The following HEY1 variants were observed in gnomAD, a reference collection of about 807,000 sequenced individuals.
The protein encoded by HEY1 is hes related family bHLH transcription factor with YRPW motif 1, also known as hairy/enhancer-of-split related with YRPW motif protein 1.
A neutral mutation model predicts 28.7 loss-of-function variants in HEY1; 9 were observed. That is an observed-to-expected ratio of 0.31 (90% CI 0.19 to 0.55). The LOEUF (loss-of-function observed/expected upper bound fraction) is 0.55. HEY1 is among the 20% of genes least tolerant of loss of function. HEY1 has a pLI of 0.93. For missense variants in HEY1, 385 were observed against 399.4 expected (o/e 0.96, Z 0.31); for synonymous variants, 213 against 175.6 (o/e 1.21, Z -1.68).
chr8:79,767,027 G>A lies in HEY1; in HGVS notation c.231C>T (p.Pro77=), dbSNP rs140932864. ...CCATTACCTGCTTCTCAAAAGCACT[G>A]GGTACCAGCCTTCTCAGCTCAGACA... ...NSLSELRRLV[P]SAFEKQGSAK... The change falls in exon 3 of 5, where the codon CCC becomes CCT. Residue 77 remains proline, a synonymous_variant. Transcript: ENST00000354724. 6.2e-7 allele frequency: 1 copy of A among 1,613,970 alleles called. No homozygotes were observed. The highest frequency in any genetic ancestry group is 1.1e-5 in the South Asian group (1 of 91,074).
chr8:79,766,394 T>G (rs1807838442), intron 4 of HEY1: 2 of 1,454,544 alleles, frequency 1.4e-6, no homozygotes, highest in Admixed American at 5.5e-5. Flanking sequence ...TGTCACAACT[T>G]TTGAAGACCT....
At chr8:79,766,133 T>A (rs1037814541) in intron 4 of HEY1, 42 of 1,134,810 alleles carry the variant, frequency 3.7e-5, no homozygotes, top group Middle Eastern at 2.0e-4. Context: ...ATGTAAGTTA[T>A]CATCGCGGAG....
intron 4 of HEY1, 97 bp downstream of exon 4, chr8:79,766,554 A>G: frequency 6.4e-7 from 1 of 1,570,364 alleles, no homozygotes; most frequent in Non-Finnish European, 8.6e-7. Flanking sequence ...CCCACCCCCA[A>G]AGAAAAATCA....
chr8:79,767,582 C>A lies in HEY1; in HGVS notation c.82G>T (p.Glu28Ter). ...TIEVEKESAD[E>*]NGNLSSALGS... The stretch of plus-strand genomic sequence containing the variant: ...CCGCCGCCGCCAGCTCACCCATTCT[C>A]GTCCGCACTCTCCTTCTCCACCTCG... The change falls in exon 1 of 5, where the codon GAG becomes TAG. Residue 28 changes from glutamate (E) to a stop codon, truncating the protein, a stop_gained. Transcript: ENST00000354724. LOFTEE classifies it high-confidence loss of function. 6.2e-7 allele frequency: 1 copy of A among 1,608,078 alleles called. No individual in the cohort carries two copies. Among genetic ancestry groups the A allele is most frequent in the Non-Finnish European group, 8.5e-7 (1 of 1,177,990 alleles).
chr8:79,766,128 A>C, intron 4 of HEY1: 11 of 1,094,096 alleles, frequency 1.0e-5, no homozygotes, highest in Non-Finnish European at 1.4e-5. Flanking sequence ...CACAGATGTA[A>C]GTTATCATCG....
Position 79,765,126 on chromosome 8 carries a change from T to C in HEY1, c.*62A>G. 2.5e-6 allele frequency: 3 copies of C among 1,192,018 alleles called. No individual in the cohort carries two copies. Among genetic ancestry groups the C allele is most frequent in the Non-Finnish European group, 2.3e-6 (2 of 867,870 alleles). The allele number at this position is 1,192,018 out of a possible 1,614,324, so 73.8% of individuals were successfully genotyped here. On this transcript the variant is annotated 3_prime_UTR_variant, in exon 5 of 5. Transcript: ENST00000354724. The stretch of plus-strand genomic sequence containing the variant: ...TTTACTGACGACTTTAAGGTGATGT[T>C]GGCAACAGTCCAGCCCAGCTGGGAT...
In HEY1 at chr8:79,767,150, G is replaced by C. The variant is rs72684748; in HGVS notation, c.166-58C>G. On this transcript the variant is annotated intron_variant, in intron 2 of 4. Transcript: ENST00000354724. ...TACCATTACGACTGTAAATTTCAAA[G>C]ACAAAAAAAAAGGTGGTTATTTCCG... The C allele has an allele frequency of 2.7e-3, 4,176 of 1,569,314 alleles. 8 individuals are homozygous for C. The highest frequency in any genetic ancestry group is 3.1e-3 in the Non-Finnish European group (3,557 of 1,152,926).
intron 1 of HEY1, 29 bp downstream of exon 1, chr8:79,767,546 T>C (rs1188766083): frequency 9.5e-6 from 15 of 1,579,920 alleles, no homozygotes; most frequent in Non-Finnish European, 1.3e-5. Flanking sequence ...CCGCTCTGGC[T>C]CGGCTCCGCT....
At chr8:79,766,255 A>G in intron 4 of HEY1, 8 of 1,531,118 alleles carry the variant, frequency 5.2e-6, no homozygotes, top group Non-Finnish European at 7.0e-6. Context: ...TTCTTTCCTC[A>G]AGAGGCATGT....
chr8:79,767,269 T>C lies in HEY1; in HGVS notation c.115A>G (p.Met39Val), dbSNP rs766557451. 2.5e-5 allele frequency: 40 copies of C among 1,613,770 alleles called. 1 individual carries two copies. Among genetic ancestry groups the C allele is most frequent in the Middle Eastern group, 3.3e-4 (2 of 6,082 alleles). The stretch of plus-strand genomic sequence containing the variant: ...ATCTGGGAAGATGTAGTTGGGGACA[T>C]GGAACCTAGAGCCGAACTCAAGTTT... ...NGNLSSALGS[M>V]SPTTSSQILA... Residue 39 changes from methionine (M) to valine (V), a missense_variant, in exon 2 of 5, where the codon ATG (methionine) becomes GTG (valine). Transcript: ENST00000354724.
In HEY1 at chr8:79,764,930, T is replaced by C; in HGVS notation, c.*258A>G. ...TACAAACCTATCACAAAGTGTTGGC[T>C]TATACTCACTATTTCAATTTAATGT... On this transcript the variant is annotated 3_prime_UTR_variant, in exon 5 of 5. Coordinates refer to ENST00000354724, the MANE Select transcript of HEY1 (RefSeq NM_012258.4). 2.6e-6 allele frequency: 1 copy of C among 380,674 alleles called. No individual in the cohort carries two copies. The highest frequency in any genetic ancestry group is 4.7e-6 in the Non-Finnish European group (1 of 213,800). 23.6% of individuals were successfully genotyped at this position (380,674 alleles called of 1,614,324 possible). A position where few individuals can be genotyped will look rare whatever the true frequency, so the allele number is the denominator to read the frequency against.
intron 3 of HEY1, 32 bp downstream of exon 3, chr8:79,766,977 A>G (rs1807858806): frequency 6.4e-7 from 1 of 1,564,828 alleles, no homozygotes; most frequent in Non-Finnish European, 8.8e-7. Flanking sequence ...GCAGATAGCT[A>G]TGCTGAGAGC....
Position 79,765,199 on chromosome 8 carries a change from C to T in HEY1, c.904G>A (p.Gly302Arg). 6.5e-7 allele frequency: 1 copy of T among 1,544,442 alleles called. No individual in the cohort carries two copies. The highest frequency in any genetic ancestry group is 8.7e-7 in the Non-Finnish European group (1 of 1,143,506). The change falls in exon 5 of 5, where the codon GGA becomes AGA. Residue 302 changes from glycine (G) to arginine (R), a missense_variant. Gly to Arg is a moderately radical substitution (Grantham distance 125). Coordinates refer to ENST00000354724, the MANE Select transcript of HEY1 (RefSeq NM_012258.4). ...TCTACATCAGTTCTTTAAAAAGCTC[C>T]GATCTCCGTCCCCCAAGGTCTATAG... is the stretch of plus-strand genomic sequence containing the variant. ...KPYRPWGTEI[G>R]AF is the part of the protein sequence containing the mutation.
At chr8:79,766,418 T>C (rs1807839212) in intron 4 of HEY1, 1 of 1,451,352 alleles carries the variant, frequency 6.9e-7, no homozygotes, top group African/African-American at 1.4e-5. Context: ...AAATAATAGG[T>C]ATTTTTCCAA....
intron 4 of HEY1, 118 bp downstream of exon 4, chr8:79,766,533 A>T: frequency 6.5e-7 from 1 of 1,543,028 alleles, no homozygotes; most frequent in Non-Finnish European, 8.7e-7. Context: ...CACACCACAC[A>T]CCGTTCTCTC....
rs1275754418 is a variant in HEY1, at chr8:79,765,782, G to A, written c.332-11C>T. 5 of 1,587,906 alleles carry A rather than the reference G, an allele frequency of 3.1e-6. No homozygotes were observed. Among genetic ancestry groups the A allele is most frequent in the Admixed American group, 3.5e-5 (2 of 56,584 alleles). ...GCGCGTCAAAGTAACCTAAGCAAAAGAACAAAAGAAAAATCTCAGGGCTTT... is the reference window on the plus strand; with the variant it reads ...GCGCGTCAAAGTAACCTAAGCAAAAAAACAAAAGAAAAATCTCAGGGCTTT... On this transcript the variant is annotated splice_polypyrimidine_tract_variant and intron_variant, in intron 4 of 4. Transcript: ENST00000354724.
Position 79,765,243 on chromosome 8 carries a change from G to A in HEY1, c.860C>T (p.Ala287Val), listed in dbSNP as rs1202893043. 1.9e-6 allele frequency: 3 copies of A among 1,553,782 alleles called. No homozygotes were observed. The highest frequency in any genetic ancestry group is 3.9e-5 in the Admixed American group (2 of 51,116). The change falls in exon 5 of 5, where the codon GCT becomes GTT. Residue 287 changes from alanine to valine, a missense_variant. By Grantham distance (64) the Ala-to-Val change is moderately conservative. This residue lies in a region of HEY1 where 223 missense variants were observed against 215.9 expected (regional missense o/e 1.03). Coordinates refer to ENST00000354724, the MANE Select transcript of HEY1 (RefSeq NM_012258.4). ...NALSPSAPTQ[A>V]ANLGKPYRPW... ...TCTATAGGGCTTGCCAAGGTTTGCA[G>A]CCTGCGTGGGTGCTGAAGGGCTCAG...
rs781311385 is a variant in HEY1, at chr8:79,766,992, C to T, written c.249+17G>A. 2 of 1,602,676 alleles carry T rather than the reference C, an allele frequency of 1.2e-6. No individual in the cohort carries two copies. The highest frequency in any genetic ancestry group is 8.5e-7 in the Non-Finnish European group (1 of 1,169,830). On this transcript the variant is annotated intron_variant, in intron 3 of 4. Transcript: ENST00000354724. ...GCAGATAGCTATGCTGAGAGCTTTA[C>T]CTACTTGCTCCATTACCTGCTTCTC...
chr8:79,765,248 C>A lies in HEY1; in HGVS notation c.855G>T (p.Thr285=), dbSNP rs1484090871. 1.3e-6 allele frequency: 2 copies of A among 1,553,990 alleles called. No homozygotes were observed. Among genetic ancestry groups the A allele is most frequent in the East Asian group, 2.4e-5 (1 of 41,390 alleles). Residue 285 remains threonine (T), a synonymous_variant, in exon 5 of 5, where the codon ACG becomes ACT. Coordinates refer to ENST00000354724, the MANE Select transcript of HEY1 (RefSeq NM_012258.4). ...AGGGCTTGCCAAGGTTTGCAGCCTG[C>A]GTGGGTGCTGAAGGGCTCAGTGCAT... ...SPNALSPSAP[T]QAANLGKPYR...
Sources: allele counts gnomAD v4.1 joint callset, GRCh38; gene constraint gnomAD v4.1.1; regional missense constraint gnomAD v4.1.1; transcripts MANE v1.5; gene names NCBI Gene and HGNC (gene_info 2026-07-23, HGNC 2026-07-21).